FOXP1: variants seen among roughly 807,000 people sequenced by gnomAD.
FOXP1 encodes the protein forkhead box protein P1.
A neutral mutation model predicts 98.2 loss-of-function variants in FOXP1; 15 were observed. The observed-to-expected ratio is 0.15, with a 90% CI of 0.10 to 0.24. The LOEUF (loss-of-function observed/expected upper bound fraction) is 0.24, where lower values mean the gene tolerates loss of function less well. Among genes scored for constraint, FOXP1 ranks in the 10% least tolerant of loss-of-function variants. The pLI, the probability that FOXP1 is intolerant of heterozygous loss-of-function variation, is 1.00. For missense variants in FOXP1, 633 were observed against 848.5 expected (o/e 0.75, Z 3.15); for synonymous variants, 371 against 314.5 (o/e 1.18, Z -1.90).
At chr3:71,056,478 G>C (rs1231201454) in intron 7 of FOXP1, among the ~76,000 whole-genome samples, 1 of 152,146 alleles carries the variant, frequency 6.6e-6, no homozygotes, top group Non-Finnish European at 1.5e-5. Context: ...TTTTGATGGA[G>C]GTGCTGATGA....
Position 71,097,900 on chromosome 3 carries a change from T to C in FOXP1, c.282+14636A>G, listed in dbSNP as rs1440678616. ...AGAAAATTTTATCTTCTGGAAATGC[T>C]TGCCACTGGGTGTCATCCTCAAAAA... On this transcript the variant is annotated intron_variant, in intron 7 of 20. Coordinates refer to ENST00000649528, the MANE Select transcript of FOXP1 (RefSeq NM_001349338.3). Among the ~76,000 whole-genome samples, 4 of 152,218 alleles carry C rather than the reference T, an allele frequency of 2.6e-5. No homozygotes were observed. In the South Asian group the frequency reaches 8.3e-4, roughly 32 times the overall value.
At chr3:71,283,970 T>C (rs752607406) in intron 5 of FOXP1, among the ~76,000 whole-genome samples, 16 of 152,136 alleles carry the variant, frequency 1.1e-4, no homozygotes, top group Non-Finnish European at 2.1e-4. Context: ...CTTCAAACCC[T>C]GCCTGTTCCA....
intron 6 of FOXP1, among the ~76,000 whole-genome samples, chr3:71,150,507 C>T (rs2108060415): frequency 6.6e-6 from 1 of 152,214 alleles, no homozygotes; most frequent in East Asian, 1.9e-4. Flanking sequence ...AACCCTGAAA[C>T]TCGATACTTA....
At chr3:71,435,859 G>A (rs1454376261) in intron 3 of FOXP1, among the ~76,000 whole-genome samples, 4 of 15,884 alleles carry the variant, frequency 2.5e-4, no homozygotes, top group Admixed American at 9.5e-4. Flanking sequence ...GAGGGAGGGA[G>A]GAAGGGACGG....
intron 5 of FOXP1, among the ~76,000 whole-genome samples, chr3:71,225,371 T>G (rs1020077336): frequency 3.9e-5 from 6 of 152,236 alleles, no homozygotes; most frequent in Non-Finnish European, 8.8e-5. Flanking sequence ...GAAACAGAGC[T>G]GATAAGAGAA....
intron 6 of FOXP1, among the ~76,000 whole-genome samples, chr3:71,147,503 C>T (rs1186178834): frequency 6.6e-6 from 1 of 152,194 alleles, no homozygotes. Flanking sequence ...CTGATCTTAT[C>T]ACCTCAGAGG....
chr3:71,425,946 C>T (rs2084117486), intron 3 of FOXP1, among the ~76,000 whole-genome samples: 2 of 152,130 alleles, frequency 1.3e-5, no homozygotes, highest in Non-Finnish European at 2.9e-5. Flanking sequence ...ATAGTGTGGC[C>T]TGTTTAAGAC....
intron 7 of FOXP1, among the ~76,000 whole-genome samples, chr3:71,090,374 A>G (rs1286715280): frequency 6.6e-6 from 1 of 152,198 alleles, no homozygotes; most frequent in African/African-American, 2.4e-5. Flanking sequence ...ATGTAATGTG[A>G]TAATACAGAA....
At chr3:71,000,281 G>A (rs1018820175) in intron 13 of FOXP1, among the ~76,000 whole-genome samples, 4 of 140,944 alleles carry the variant, frequency 2.8e-5, no homozygotes, top group African/African-American at 1.1e-4. Context: ...ATAGCCCAAT[G>A]GGTTTCTAAA....
intron 5 of FOXP1, among the ~76,000 whole-genome samples, chr3:71,254,604 A>G (rs1352338283): frequency 2.0e-5 from 3 of 152,226 alleles, no homozygotes; most frequent in African/African-American, 7.2e-5. Context: ...TGCTTCATCA[A>G]TCACAACCAT....
At chr3:71,583,909 C>A, upstream of FOXP1, 1 of 984,800 alleles carries the variant, frequency 1.0e-6, no homozygotes, top group Non-Finnish European at 1.2e-6. Flanking sequence ...GCTTCACGCA[C>A]CCCGCTGGGC....
chr3:71,030,388 GCCA>G (rs2046703449), intron 11 of FOXP1, among the ~76,000 whole-genome samples: 1 of 152,104 alleles, frequency 6.6e-6, no homozygotes, highest in African/African-American at 2.4e-5. Context: ...TTGTTCCAGG[GCCA>G]CCTACAGGCT....
Position 71,273,613 on chromosome 3 carries a change from G to C in FOXP1, c.-12+26207C>G, listed in dbSNP as rs545211746. 1.1e-4 allele frequency among the ~76,000 whole-genome samples: 17 copies of C among 152,300 alleles called. No homozygotes were observed. The East Asian group carries it at 3.3e-3, about 29-fold the overall frequency. Reference sequence around the variant, plus strand: ...AGTATCCGAGAACAAAGTTTCTGATGACAAAGTCTGTCCTTGGAACACAAC... The same window carrying C: ...AGTATCCGAGAACAAAGTTTCTGATCACAAAGTCTGTCCTTGGAACACAAC... On this transcript the variant is annotated intron_variant, in intron 5 of 20. Coordinates refer to ENST00000649528, the MANE Select transcript of FOXP1 (RefSeq NM_001349338.3).
intron 2 of FOXP1, among the ~76,000 whole-genome samples, chr3:71,494,926 AAAAAG>A (rs1341945354): frequency 6.6e-6 from 1 of 152,074 alleles, no homozygotes; most frequent in East Asian, 1.9e-4. Flanking sequence ...AGAAAAAAAA[AAAAAG>A]AAAAGAAAAA....
intron 5 of FOXP1, among the ~76,000 whole-genome samples, chr3:71,241,585 C>T (rs1477190628): frequency 2.6e-5 from 4 of 152,188 alleles, no homozygotes; most frequent in Non-Finnish European, 5.9e-5. Flanking sequence ...ATCAAACAGT[C>T]ATCAGGACTA....
chr3:71,320,279 G>A (rs957484199), intron 4 of FOXP1, among the ~76,000 whole-genome samples: 1 of 151,972 alleles, frequency 6.6e-6, no homozygotes, highest in Non-Finnish European at 1.5e-5. Flanking sequence ...GAAGGCCAAG[G>A]GGAAGCATCT....
At chr3:71,509,174 T>C (rs2042026204) in intron 2 of FOXP1, among the ~76,000 whole-genome samples, 1 of 152,264 alleles carries the variant, frequency 6.6e-6, no homozygotes, top group South Asian at 2.1e-4. Flanking sequence ...CTTGTGCAGA[T>C]TCTGATACTG....
intron 7 of FOXP1, among the ~76,000 whole-genome samples, chr3:71,084,679 C>A (rs1036977810): frequency 3.3e-5 from 5 of 152,212 alleles, no homozygotes; most frequent in Admixed American, 1.3e-4. Context: ...CCTGCCCTTG[C>A]ATAGTTAACA....
chr3:71,569,925 G>C (rs1420323917), intron 2 of FOXP1, among the ~76,000 whole-genome samples: 1 of 152,114 alleles, frequency 6.6e-6, no homozygotes, highest in African/African-American at 2.4e-5. Context: ...TGGGACTACA[G>C]GCGCCAGCCA....
Sources: allele counts gnomAD v4.1 joint callset (sites outside exome capture counted in the v4.1 genomes callset), GRCh38; gene constraint gnomAD v4.1.1; transcripts MANE v1.5; gene names NCBI Gene and HGNC (gene_info 2026-07-23, HGNC 2026-07-21).